The following GGNBP2 variants were observed in gnomAD, a reference collection of about 807,000 sequenced individuals.
The protein encoded by GGNBP2 is gametogenetin-binding protein 2.
Under a neutral mutation model 85.9 loss-of-function variants are expected in GGNBP2, and 10 were observed. That is an observed-to-expected ratio of 0.12 (90% CI 0.07 to 0.20). GGNBP2 has a LOEUF of 0.20. GGNBP2 is among the 10% of genes least tolerant of loss of function. The probability of loss-of-function intolerance (pLI) is 1.00; values close to 1 mark genes in which losing one functional copy is unlikely to be tolerated. For missense variants in GGNBP2, 595 were observed against 857.8 expected, an observed-to-expected ratio of 0.69 and a Z score of 3.83; for synonymous variants, 287 against 285.7, an observed-to-expected ratio of 1.00 and a Z score of -0.05.
At chr17:36,577,923 T>C (rs572599406) in intron 6 of GGNBP2, 60 bp from the exon 7 acceptor site, 12 of 1,337,322 alleles carry the variant, frequency 9.0e-6, no homozygotes, top group East Asian at 4.6e-5. Context: ...TACACTGTTA[T>C]ATGCCACAAG....
intron 5 of GGNBP2, 26 bp downstream of exon 5, chr17:36,560,897 C>CT (rs2074410460): frequency 8.7e-7 from 1 of 1,145,216 alleles, no homozygotes; most frequent in African/African-American, 1.6e-5. Flanking sequence ...TACCAAGAGG[C>CT]TTTGTCATTG....
At chr17:36,571,276 G>A (rs935411503) in intron 6 of GGNBP2, among the ~76,000 whole-genome samples, 1 of 152,130 alleles carries the variant, frequency 6.6e-6, no homozygotes, top group Non-Finnish European at 1.5e-5. Context: ...TAAAGGCTGA[G>A]TGTGGTGGCT....
chr17:36,589,174 A>T, intron 13 of GGNBP2, 34 bp from the exon 14 acceptor site: 1 of 1,489,290 alleles, frequency 6.7e-7, no homozygotes, highest in Non-Finnish European at 9.3e-7. Flanking sequence ...TTGCATTCTT[A>T]AGTCATAGTC....
chr17:36,545,579 A>T, intron 1 of GGNBP2, 40 bp from the exon 2 acceptor site: 1 of 633,420 alleles, frequency 1.6e-6, no homozygotes, highest in Non-Finnish European at 2.8e-6. Flanking sequence ...TGTGCTGCGC[A>T]GCGGCGGGTG....
chr17:36,575,344 A>C, intron 6 of GGNBP2: 1 of 383,808 alleles, frequency 2.6e-6, no homozygotes, highest in Non-Finnish European at 4.9e-6. Flanking sequence ...TTCTCAGAGA[A>C]GCATCTATTT....
chr17:36,551,415 G>A (rs1309745573), intron 2 of GGNBP2, among the ~76,000 whole-genome samples: 1 of 151,884 alleles, frequency 6.6e-6, no homozygotes, highest in East Asian at 1.9e-4. Context: ...TGTTGGTCAG[G>A]CTGGTCTTGA....
chr17:36,550,618 G>T (rs979674691), intron 2 of GGNBP2, among the ~76,000 whole-genome samples: 3 of 151,948 alleles, frequency 2.0e-5, no homozygotes, highest in Non-Finnish European at 4.4e-5. Context: ...CTAAAAACAG[G>T]TTTTTTTTGT....
At position 36,545,879 on chromosome 17, in the gene GGNBP2, CT is replaced by C. The variant is rs753050762; in HGVS notation, c.93+63del. On this transcript the variant is annotated intron_variant, in intron 2 of 13. Coordinates refer to ENST00000613102, the MANE Select transcript of GGNBP2 (RefSeq NM_024835.5). Reference sequence around the variant, plus strand: ...CTGGCAGCTGTTTCCCCTCCTCCCCCTCCCCCAGGCCGAGCGCTGCGCACTG... The same window carrying C: ...CTGGCAGCTGTTTCCCCTCCTCCCCCCCCCCAGGCCGAGCGCTGCGCACTG... 99 of 1,187,590 alleles carry C rather than the reference CT, an allele frequency of 8.3e-5. No homozygotes were observed. In the Middle Eastern group the frequency reaches 6.5e-3, roughly 78 times the overall value. The allele number at this position is 1,187,590 out of a possible 1,614,324, so 73.6% of individuals were successfully genotyped here.
intron 6 of GGNBP2, chr17:36,576,753 A>C (rs1158574711): frequency 6.6e-6 from 1 of 150,458 alleles, no homozygotes; most frequent in Non-Finnish European, 1.5e-5. Context: ...AACAAGAAAG[A>C]ATGAATACTA....
chr17:36,554,442 G>A (rs1309909262), intron 2 of GGNBP2, among the ~76,000 whole-genome samples: 6 of 121,288 alleles, frequency 4.9e-5, no homozygotes, highest in African/African-American at 9.6e-5. Flanking sequence ...ATTTCAGCTC[G>A]CTGCAACCTC....
chr17:36,565,346 G>T (rs2074457275), intron 5 of GGNBP2, among the ~76,000 whole-genome samples: 1 of 152,040 alleles, frequency 6.6e-6, no homozygotes, highest in Admixed American at 6.6e-5. Context: ...AAGTGGAAAG[G>T]TTATTTTTTT....
chr17:36,566,275 GC>G (rs2074467718), intron 5 of GGNBP2, among the ~76,000 whole-genome samples: 1 of 152,182 alleles, frequency 6.6e-6, no homozygotes, highest in Admixed American at 6.5e-5. Context: ...AGATAAATGT[GC>G]TGCAACAAAG....
chr17:36,572,382 G>A (rs117978873), intron 6 of GGNBP2, among the ~76,000 whole-genome samples: 6 of 152,064 alleles, frequency 3.9e-5, no homozygotes, highest in African/African-American at 7.2e-5. Context: ...TCCTGCGCGC[G>A]TATGTGTATA....
chr17:36,567,911 A>G (rs1345602780), intron 6 of GGNBP2, 135 bp downstream of exon 6: 1 of 497,200 alleles, frequency 2.0e-6, no homozygotes, highest in Admixed American at 3.9e-5. Context: ...GGCGGAGCTT[A>G]ATATTAGAGT....
intron 13 of GGNBP2, among the ~76,000 whole-genome samples, chr17:36,588,663 G>A (rs991930570): frequency 5.3e-5 from 8 of 150,930 alleles, no homozygotes; most frequent in African/African-American, 2.4e-5. Context: ...GCAGTGGCAC[G>A]ATCTTGGCTC....
rs756650514 is a variant in GGNBP2 at position 36,554,779 on chromosome 17, A to AG, written c.94-37dup. 13 of 1,200,632 alleles carry AG rather than the reference A, an allele frequency of 1.1e-5. No homozygotes were observed. The Admixed American group carries it at 2.2e-4, about 20-fold the overall frequency. 74.4% of individuals were successfully genotyped at this position (1,200,632 alleles called of 1,614,324 possible). A position where few individuals can be genotyped will look rare whatever the true frequency, so the allele number is the denominator to read the frequency against. On this transcript the variant is annotated intron_variant, in intron 2 of 13. Coordinates refer to ENST00000613102, the MANE Select transcript of GGNBP2 (RefSeq NM_024835.5). ...TTTGTAGGCTGTATCCTGTTCTCAG[A>AG]GGGGTAAAGTAATTGATTTCCGTTC...
At chr17:36,586,708 T>TC (rs2074705109) in intron 12 of GGNBP2, 1 of 337,308 alleles carries the variant, frequency 3.0e-6, no homozygotes, top group South Asian at 3.2e-5. Context: ...AACCTCTGCC[T>TC]CCCAGGTTCA....
At chr17:36,545,594 C>G (rs1404642247) in intron 1 of GGNBP2, 25 bp from the exon 2 acceptor site, 9 of 679,132 alleles carry the variant, frequency 1.3e-5, no homozygotes, top group African/African-American at 1.8e-5. Context: ...CGGGTGCTTA[C>G]GCTCGCGGGG....
intron 6 of GGNBP2, chr17:36,577,421 A>T (rs1225056613): frequency 6.5e-6 from 1 of 153,118 alleles, no homozygotes; most frequent in Non-Finnish European, 1.5e-5. Context: ...TTTTGGAAAT[A>T]ATCAGAAAAT....
Sources: allele counts gnomAD v4.1 joint callset (sites outside exome capture counted in the v4.1 genomes callset), GRCh38; gene constraint gnomAD v4.1.1; transcripts MANE v1.5; gene names NCBI Gene and HGNC (gene_info 2026-07-23, HGNC 2026-07-21).